Variants in PPM1H observed in about 807,000 individuals in gnomAD.
PPM1H encodes protein phosphatase, Mg2+/Mn2+ dependent 1H.
PPM1H carries 27 observed loss-of-function variants against 54.9 expected under a neutral mutation model. The observed-to-expected ratio is 0.49, with a 90% CI of 0.36 to 0.68. The LOEUF is 0.68. PPM1H is among the 30% of genes least tolerant of loss of function. The pLI is 0.00. For synonymous variants in PPM1H, 305 were observed against 270.8 expected, an observed-to-expected ratio of 1.13 and a Z score of -1.24; for missense variants, 596 against 667.8, an observed-to-expected ratio of 0.89 and a Z score of 1.19.
intron 4 of PPM1H, chr12:62,755,922 C>A: frequency 1.3e-6 from 1 of 794,196 alleles, no homozygotes; most frequent in South Asian, 1.4e-5. Context: ...ACTGGCATGG[C>A]CTTCTGTGTC....
chr12:62,707,815 T>G (rs2076183720), intron 6 of PPM1H, among the ~76,000 whole-genome samples: 1 of 152,208 alleles, frequency 6.6e-6, no homozygotes, highest in African/African-American at 2.4e-5. Context: ...AATACCTGGT[T>G]CACTTAATGA....
At chr12:62,929,808 A>C (rs1872078186) in intron 1 of PPM1H, among the ~76,000 whole-genome samples, 1 of 152,136 alleles carries the variant, frequency 6.6e-6, no homozygotes, top group Non-Finnish European at 1.5e-5. Context: ...TTTGCAAGTC[A>C]CCAGAAAGGT....
chr12:62,830,627 G>A (rs925274432), intron 2 of PPM1H, among the ~76,000 whole-genome samples: 6 of 152,244 alleles, frequency 3.9e-5, no homozygotes, highest in Non-Finnish European at 7.4e-5. Context: ...AGCTAAAGTG[G>A]TAGACTGCAC....
At chr12:62,748,256 A>G (rs1411919277) in intron 4 of PPM1H, among the ~76,000 whole-genome samples, 1 of 150,942 alleles carries the variant, frequency 6.6e-6, no homozygotes, top group East Asian at 2.0e-4. Context: ...AAAAAAAAAG[A>G]AAAAAAAAGT....
At chr12:62,907,600 A>G (rs1871337729) in intron 1 of PPM1H, among the ~76,000 whole-genome samples, 1 of 152,220 alleles carries the variant, frequency 6.6e-6, no homozygotes, top group African/African-American at 2.4e-5. Flanking sequence ...AAAATGTTCT[A>G]GTCTAAGTCT....
Position 62,793,246 on chromosome 12 carries a change from T to C in PPM1H, c.757-4908A>G, listed in dbSNP as rs1361862561. 2.0e-5 allele frequency among the ~76,000 whole-genome samples: 3 copies of C among 152,186 alleles called. No individual in the cohort carries two copies. In the East Asian group the frequency reaches 5.8e-4, roughly 29 times the overall value. ...TTAACAAGATAATTGATTTATCTGC[T>C]TAATCAATAGTCCTGAAGACCTTGC... On this transcript the variant is annotated intron_variant, in intron 3 of 9. Transcript: ENST00000228705.
intron 8 of PPM1H, among the ~76,000 whole-genome samples, chr12:62,679,804 A>C (rs944724541): frequency 7.2e-5 from 11 of 152,206 alleles, no homozygotes; most frequent in Non-Finnish European, 1.6e-4. Flanking sequence ...CCCAGTACTT[A>C]AGTTTAATTA....
chr12:62,818,821 C>CTTTTTT (rs771501305), intron 2 of PPM1H, among the ~76,000 whole-genome samples: 84 of 135,744 alleles, frequency 6.2e-4, no homozygotes, highest in East Asian at 1.1e-3. Flanking sequence ...TTTTCTTTTT[C>CTTTTTT]TTTTTTTTTT....
At chr12:62,676,365 G>C (rs12307873) in intron 8 of PPM1H, among the ~76,000 whole-genome samples, 24,857 of 152,228 alleles carry the variant, frequency 0.16, 2,719 homozygotes, top group African/African-American at 0.31. Context: ...GGCACAGCCA[G>C]TGTTGTGTGC....
At chr12:62,761,169 A>G (rs1181041922) in intron 4 of PPM1H, among the ~76,000 whole-genome samples, 1 of 152,268 alleles carries the variant, frequency 6.6e-6, no homozygotes, top group Non-Finnish European at 1.5e-5. Context: ...ACAGCCAACA[A>G]TAAATATTAA....
chr12:62,794,367 C>A (rs1043238030), intron 3 of PPM1H, among the ~76,000 whole-genome samples: 1 of 152,102 alleles, frequency 6.6e-6, no homozygotes, highest in East Asian at 1.9e-4. Flanking sequence ...AAACTATAAA[C>A]TTTGCCCCCT....
chr12:62,744,749 C>T (rs1167582410), intron 4 of PPM1H, among the ~76,000 whole-genome samples: 2 of 152,182 alleles, frequency 1.3e-5, no homozygotes, highest in African/African-American at 4.8e-5. Flanking sequence ...GGTGCACAGT[C>T]CCTGCACTGC....
At chr12:62,687,959 A>G (rs552004340) in intron 8 of PPM1H, among the ~76,000 whole-genome samples, 2 of 150,660 alleles carry the variant, frequency 1.3e-5, no homozygotes, top group Admixed American at 1.3e-4. Context: ...CAGTGAGCCA[A>G]CATTGCACCA....
intron 1 of PPM1H, among the ~76,000 whole-genome samples, chr12:62,874,852 G>A (rs893659228): frequency 6.6e-6 from 1 of 152,146 alleles, no homozygotes; most frequent in African/African-American, 2.4e-5. Context: ...AAACTGTCTC[G>A]CCATTTTCAG....
intron 2 of PPM1H, among the ~76,000 whole-genome samples, chr12:62,822,776 A>G (rs543367191): frequency 6.6e-6 from 1 of 152,086 alleles, no homozygotes; most frequent in African/African-American, 2.4e-5. Flanking sequence ...CACTAAATGC[A>G]CACAAGAGAA....
At position 62,817,161 on chromosome 12, in the gene PPM1H, GAAAA is replaced by G. The variant is rs1179706449; in HGVS notation, c.411+14949_411+14952del. ...AGAAAAAAAAAAAAACTAAAAAAAAGAAAAAAAAAAAAAAAAACTGGCCAGGCGC... is the reference window on the plus strand; with the variant it reads ...AGAAAAAAAAAAAAACTAAAAAAAAGAAAAAAAAAAAAACTGGCCAGGCGC... On this transcript the variant is annotated intron_variant, in intron 2 of 9. Transcript: ENST00000228705. Among the ~76,000 whole-genome samples the G allele has an allele frequency of 1.4e-3, 106 of 75,298 alleles. 1 individual carries two copies. Among genetic ancestry groups the G allele is most frequent in the African/African-American group, 4.4e-3 (104 of 23,716 alleles). The allele number at this position is 75,298 out of a possible 152,430, so 49.4% of individuals were successfully genotyped here.
At chr12:62,905,313 T>A (rs1359415209) in intron 1 of PPM1H, among the ~76,000 whole-genome samples, 2 of 152,094 alleles carry the variant, frequency 1.3e-5, no homozygotes, top group Non-Finnish European at 2.9e-5. Context: ...CGGGGAAAGT[T>A]AGGGATTGGC....
chr12:62,664,627 T>C (rs2075906176), intron 9 of PPM1H, among the ~76,000 whole-genome samples: 1 of 152,234 alleles, frequency 6.6e-6, no homozygotes, highest in Non-Finnish European at 1.5e-5. Context: ...ACCCACACAT[T>C]AGACATTCTT....
At chr12:62,825,921 CA>C (rs1278530088) in intron 2 of PPM1H, among the ~76,000 whole-genome samples, 3 of 150,708 alleles carry the variant, frequency 2.0e-5, no homozygotes, top group African/African-American at 7.3e-5. Flanking sequence ...CCACCAATTA[CA>C]ATTAAAAAAA....
Sources: allele counts gnomAD v4.1 joint callset (sites outside exome capture counted in the v4.1 genomes callset), GRCh38; gene constraint gnomAD v4.1.1; transcripts MANE v1.5; gene names NCBI Gene and HGNC (gene_info 2026-07-23, HGNC 2026-07-21).